Variants in BCAS3 observed in about 807,000 individuals in gnomAD.
BCAS3 encodes BCAS3 microtubule associated cell migration factor.
A neutral mutation model predicts 116.1 loss-of-function variants in BCAS3; 53 were observed. The observed-to-expected ratio is 0.46, with a 90% CI of 0.37 to 0.57. The LOEUF is 0.57. Among genes scored for constraint, BCAS3 ranks in the 20% least tolerant of loss-of-function variants. The pLI is 0.00. For synonymous variants in BCAS3, 391 were observed against 408.2 expected, an observed-to-expected ratio of 0.96 and a Z score of 0.51; for missense variants, 917 against 1,165.4, an observed-to-expected ratio of 0.79 and a Z score of 3.10.
chr17:61,260,343 A>G (rs1365979785), intron 22 of BCAS3, among the ~76,000 whole-genome samples: 1 of 152,232 alleles, frequency 6.6e-6, no homozygotes, highest in African/African-American at 2.4e-5. Context: ...ACAAATTGGA[A>G]TTGAAACGCT....
intron 16 of BCAS3, among the ~76,000 whole-genome samples, chr17:61,024,064 A>G (rs900867985): frequency 1.3e-5 from 2 of 152,146 alleles, no homozygotes; most frequent in African/African-American, 4.8e-5. Context: ...ATACGAAACT[A>G]TAGCTGTGAA....
intron 11 of BCAS3, among the ~76,000 whole-genome samples, chr17:60,903,804 A>G (rs995033210): frequency 2.6e-4 from 40 of 152,330 alleles, no homozygotes; most frequent in African/African-American, 9.4e-4. Context: ...GGTTATTTCA[A>G]TGAAGAGCTG....
intron 14 of BCAS3, among the ~76,000 whole-genome samples, chr17:60,954,727 A>G (rs1471803271): frequency 6.6e-6 from 1 of 152,198 alleles, no homozygotes; most frequent in Non-Finnish European, 1.5e-5. Flanking sequence ...TCTCATACAT[A>G]TAATGCCCAA....
intron 10 of BCAS3, among the ~76,000 whole-genome samples, chr17:60,899,473 C>T (rs984284234): frequency 6.6e-6 from 1 of 152,126 alleles, no homozygotes; most frequent in Non-Finnish European, 1.5e-5. Flanking sequence ...GCCCAGATCA[C>T]ACCCTAGTCC....
intron 9 of BCAS3, among the ~76,000 whole-genome samples, chr17:60,875,834 A>C (rs922421372): frequency 1.3e-5 from 2 of 152,010 alleles, no homozygotes; most frequent in Non-Finnish European, 2.9e-5. Context: ...ATTTTGGGAA[A>C]TATATACATA....
rs1221222546 is a variant in BCAS3, at chr17:61,259,786, C to T, written c.2426-108541C>T. On this transcript the variant is annotated intron_variant, in intron 22 of 23. Coordinates refer to ENST00000407086, the MANE Select transcript of BCAS3 (RefSeq NM_017679.5). This position sits in a 1 kb window ranked among gnomAD's most constrained non-coding sequence, Gnocchi z 4.7. ...AGACACTTGCTATCATTTCTGTTCTCTTGTTGGCTGATCCTCCTAGTGCTT... is the reference window on the plus strand; with the variant it reads ...AGACACTTGCTATCATTTCTGTTCTTTTGTTGGCTGATCCTCCTAGTGCTT... Among the ~76,000 whole-genome samples the T allele has an allele frequency of 6.6e-6, 1 of 152,170 alleles. No individual in the cohort carries two copies. The highest frequency in any genetic ancestry group is 1.5e-5 in the Non-Finnish European group (1 of 68,048).
chr17:61,074,392 C>A (rs908672440), intron 19 of BCAS3, among the ~76,000 whole-genome samples: 1 of 152,074 alleles, frequency 6.6e-6, no homozygotes, highest in Non-Finnish European at 1.5e-5. Context: ...TTTTACTAAG[C>A]AAATGTTCCT....
Position 60,682,708 on chromosome 17 carries a change from G to A in BCAS3, c.84-1274G>A, listed in dbSNP as rs543629745. ...AGCTAGTTTTTGTATATTTAGTAGC[G>A]ACAGGGTTTCACCATGTTGGCCAGG... On this transcript the variant is annotated intron_variant, in intron 2 of 23. Coordinates refer to ENST00000407086, the MANE Select transcript of BCAS3 (RefSeq NM_017679.5). 1.2e-4 allele frequency among the ~76,000 whole-genome samples: 18 copies of A among 152,120 alleles called. 1 individual carries two copies. In the South Asian group the frequency reaches 3.5e-3, roughly 30 times the overall value.
rs983612319 is a variant in BCAS3, at chr17:60,902,759, T to G, written c.822+56T>G. 1.1e-5 allele frequency: 14 copies of G among 1,309,568 alleles called. No homozygotes were observed. The African/African-American group carries it at 1.9e-4, about 18-fold the overall frequency. 81.1% of individuals were successfully genotyped at this position (1,309,568 alleles called of 1,614,324 possible). A position where few individuals can be genotyped will look rare whatever the true frequency, so the allele number is the denominator to read the frequency against. On this transcript the variant is annotated intron_variant, in intron 11 of 23. Transcript: ENST00000407086. Reference sequence around the variant, plus strand: ...GGTTATGTGTAGTAATTGTTCAGATTTCTCTCCTGAATTATATTTTCTATT... The same window carrying G: ...GGTTATGTGTAGTAATTGTTCAGATGTCTCTCCTGAATTATATTTTCTATT...
At chr17:61,062,312 T>C (rs1327536289) in intron 19 of BCAS3, among the ~76,000 whole-genome samples, 1 of 152,192 alleles carries the variant, frequency 6.6e-6, no homozygotes, top group Non-Finnish European at 1.5e-5. Flanking sequence ...AGTAATGTAT[T>C]GTATTCTATA....
Position 61,217,449 on chromosome 17 carries a change from G to A in BCAS3, c.2425+132885G>A, listed in dbSNP as rs2081865887. Among the ~76,000 whole-genome samples the A allele has an allele frequency of 6.6e-6, 1 of 152,066 alleles. No individual in the cohort carries two copies. The highest frequency in any genetic ancestry group is 6.6e-5 in the Admixed American group (1 of 15,254). On this transcript the variant is annotated intron_variant, in intron 22 of 23. Coordinates refer to ENST00000407086, the MANE Select transcript of BCAS3 (RefSeq NM_017679.5). The surrounding 1 kb of genome is among the most constrained non-coding windows in gnomAD (Gnocchi z 5.2). Reference sequence around the variant, plus strand: ...GGAAGCATTTGGTAGGCATATAATGGCCCCACAATCGTTTTGGCTTAGTTT... The same window carrying A: ...GGAAGCATTTGGTAGGCATATAATGACCCCACAATCGTTTTGGCTTAGTTT...
intron 23 of BCAS3, among the ~76,000 whole-genome samples, chr17:61,371,371 G>A (rs1265554640): frequency 6.6e-6 from 1 of 152,196 alleles, no homozygotes; most frequent in Non-Finnish European, 1.5e-5. Context: ...GTACCCTAGG[G>A]CAGGTCAGCT....
rs532492771 is a variant in BCAS3 at position 60,789,945 on chromosome 17, T to C, written c.404-18059T>C. 2.9e-4 allele frequency among the ~76,000 whole-genome samples: 44 copies of C among 152,266 alleles called. 1 individual carries two copies. In the South Asian group the frequency reaches 8.3e-3, roughly 29 times the overall value. Reference sequence around the variant, plus strand: ...GTTACATTGTTTTCTAACCTTGAAATGAGAATATTTTTTTTTTCTGGATGG... The same window carrying C: ...GTTACATTGTTTTCTAACCTTGAAACGAGAATATTTTTTTTTTCTGGATGG... On this transcript the variant is annotated intron_variant, in intron 6 of 23. Transcript: ENST00000407086.
intron 6 of BCAS3, among the ~76,000 whole-genome samples, chr17:60,765,946 C>T (rs1156556026): frequency 6.6e-6 from 1 of 152,154 alleles, no homozygotes; most frequent in East Asian, 1.9e-4. Context: ...GATCTTCAAT[C>T]ACTGATATCC....
At chr17:60,963,401 CTTTCATA>C (rs2061501674) in intron 14 of BCAS3, among the ~76,000 whole-genome samples, 2 of 151,556 alleles carry the variant, frequency 1.3e-5, no homozygotes, top group Middle Eastern at 3.2e-3. Flanking sequence ...TCTTCAATTT[CTTTCATA>C]TTTCATAGTT....
chr17:61,317,720 A>G (rs1024895662), intron 22 of BCAS3, among the ~76,000 whole-genome samples: 1 of 152,234 alleles, frequency 6.6e-6, no homozygotes, highest in South Asian at 2.1e-4. Context: ...AGTAGGGCAC[A>G]GTTGTTCCTA....
intron 7 of BCAS3, among the ~76,000 whole-genome samples, chr17:60,812,590 A>G (rs2048938014): frequency 6.6e-6 from 1 of 152,264 alleles, no homozygotes; most frequent in South Asian, 2.1e-4. Flanking sequence ...TTTATGACAA[A>G]TGAAGTTTTT....
At position 61,013,498 on chromosome 17, in the gene BCAS3, G is replaced by GT. The variant is rs1383400377; in HGVS notation, c.1487-2248dup. Reference sequence around the variant, plus strand: ...CTTCGAATGGCTTAACTATGAAGCAGTTTTTCTCATTTCTTCCACAAATAT... The same window carrying GT: ...CTTCGAATGGCTTAACTATGAAGCAGTTTTTTCTCATTTCTTCCACAAATAT... On this transcript the variant is annotated intron_variant, in intron 15 of 23. Transcript: ENST00000407086. The surrounding 1 kb of genome is among the most constrained non-coding windows in gnomAD (Gnocchi z 4.4). 1.3e-5 allele frequency among the ~76,000 whole-genome samples: 2 copies of GT among 152,018 alleles called. No individual in the cohort carries two copies. Among genetic ancestry groups the GT allele is most frequent in the African/African-American group, 2.4e-5 (1 of 41,432 alleles).
chr17:61,079,849 G>A (rs2072396924), intron 21 of BCAS3, among the ~76,000 whole-genome samples: 1 of 148,650 alleles, frequency 6.7e-6, no homozygotes, highest in South Asian at 2.1e-4. Flanking sequence ...TCCCGCCTTG[G>A]CCTCCCAAAA....
Sources: gnomAD v4.1 joint callset for allele counts (sites outside exome capture counted in the v4.1 genomes callset) on GRCh38, gnomAD v4.1.1 for gene constraint, Gnocchi (gnomAD v3.1) non-coding constraint, MANE v1.5 for transcripts, NCBI Gene and HGNC (gene_info 2026-07-23, HGNC 2026-07-21) for gene names.